Variants in DOCK4 observed in about 807,000 individuals in gnomAD.
The protein encoded by DOCK4 is dedicator of cytokinesis protein 4.
In DOCK4, 97 loss-of-function variants were observed where a neutral mutation model predicts 268.1. The observed-to-expected ratio is 0.36, with a 90% CI of 0.31 to 0.43. DOCK4 has a LOEUF of 0.43. DOCK4 is among the 20% of genes least tolerant of loss of function. The pLI is 1.00. For missense variants in DOCK4, 2,145 were observed against 2,455.7 expected (o/e 0.87, Z 2.67); for synonymous variants, 954 against 887.2 (o/e 1.08, Z -1.34).
At chr7:112,178,846 G>A (rs1276796361) in intron 1 of DOCK4, among the ~76,000 whole-genome samples, 1 of 152,128 alleles carries the variant, frequency 6.6e-6, no homozygotes, top group Non-Finnish European at 1.5e-5. Context: ...CAGAATAAAT[G>A]TGCACATGAT....
intron 1 of DOCK4, among the ~76,000 whole-genome samples, chr7:112,016,041 A>G (rs1048774546): frequency 1.3e-5 from 2 of 152,226 alleles, no homozygotes; most frequent in Admixed American, 6.5e-5. Context: ...ACATTTCAAC[A>G]TAAGTTTTGG....
chr7:111,841,050 G>A (rs1803648088), intron 25 of DOCK4, among the ~76,000 whole-genome samples: 1 of 151,984 alleles, frequency 6.6e-6, no homozygotes, highest in Non-Finnish European at 1.5e-5. Flanking sequence ...AATGACTAAC[G>A]GTCAGCATTT....
chr7:112,014,172 G>A (rs961263738), intron 1 of DOCK4, among the ~76,000 whole-genome samples: 1 of 152,182 alleles, frequency 6.6e-6, no homozygotes, highest in South Asian at 2.1e-4. Flanking sequence ...AGTTTCCTAC[G>A]TTTTCTGTTT....
intron 1 of DOCK4, among the ~76,000 whole-genome samples, chr7:112,089,910 T>TGTGA (rs1334168762): frequency 6.6e-6 from 1 of 152,186 alleles, no homozygotes; most frequent in Non-Finnish European, 1.5e-5. Flanking sequence ...TTTATAGCAG[T>TGTGA]GTGAGAATTG....
chr7:112,064,187 G>C (rs1295647488), intron 1 of DOCK4, among the ~76,000 whole-genome samples: 1 of 152,200 alleles, frequency 6.6e-6, no homozygotes, highest in Non-Finnish European at 1.5e-5. Flanking sequence ...TGTGGTTCTA[G>C]GGTTGGCGGC....
At chr7:112,119,699 G>A (rs544398987) in intron 1 of DOCK4, among the ~76,000 whole-genome samples, 7 of 152,270 alleles carry the variant, frequency 4.6e-5, no homozygotes, top group African/African-American at 1.7e-4. Flanking sequence ...TGGCCTTGGG[G>A]AACTCACTGA....
intron 16 of DOCK4, among the ~76,000 whole-genome samples, chr7:111,888,002 G>A (rs186219582): frequency 8.5e-4 from 129 of 152,074 alleles, no homozygotes; most frequent in African/African-American, 2.7e-3. Context: ...GTGGCAAGGA[G>A]AGAGCACAAG....
intron 36 of DOCK4, among the ~76,000 whole-genome samples, chr7:111,774,649 T>C (rs2133706671): frequency 6.6e-6 from 1 of 152,162 alleles, no homozygotes; most frequent in African/African-American, 2.4e-5. Flanking sequence ...TCCTGAAGGA[T>C]GAAAGGAGGG....
rs1407111900 is a variant in DOCK4 at position 111,917,915 on chromosome 7, GA to G, written c.1067-2012del. On this transcript the variant is annotated intron_variant, in intron 12 of 52. Transcript: ENST00000428084. ...TGTGAGAATGACATCATGCTGTGAT[GA>G]AAAAAATGCAAAGTTTATTTGTCAC... 3.9e-5 allele frequency among the ~76,000 whole-genome samples: 6 copies of G among 152,154 alleles called. No homozygotes were observed. The East Asian group carries it at 7.7e-4, about 20-fold the overall frequency.
rs1351310725 is a variant in DOCK4, at chr7:112,066,676, CATATATACATATACATATAT to C, written c.38-62565_38-62546del. ...TACACATATTATACATATACATATA[CATATATACATATACATATAT>C]ATATATATATATATATATATATATA... On this transcript the variant is annotated intron_variant, in intron 1 of 52. Transcript: ENST00000428084. 2.9e-4 allele frequency among the ~76,000 whole-genome samples: 15 copies of C among 52,080 alleles called. 1 individual carries two copies. Among genetic ancestry groups the C allele is most frequent in the South Asian group, 1.4e-3 (2 of 1,418 alleles). 34.2% of individuals were successfully genotyped at this position (52,080 alleles called of 152,430 possible).
At chr7:112,048,581 AAAAC>A (rs1464881676) in intron 1 of DOCK4, among the ~76,000 whole-genome samples, 5 of 151,112 alleles carry the variant, frequency 3.3e-5, no homozygotes, top group South Asian at 2.1e-4. Context: ...AAAAAAAAAC[AAAAC>A]AAACAAACAA....
rs186266984 is a variant in DOCK4, at chr7:112,019,285, C to T, written c.38-15154G>A. 3.5e-3 allele frequency among the ~76,000 whole-genome samples: 539 copies of T among 152,222 alleles called. 3 individuals are homozygous for T. The highest frequency in any genetic ancestry group is 0.012 in the African/African-American group (510 of 41,518). ...AAAGAAGAATCAAGAGCTCAAATGACTAAGCATGGCTAGAATAAGGTGTAC... is the reference window on the plus strand; with the variant it reads ...AAAGAAGAATCAAGAGCTCAAATGATTAAGCATGGCTAGAATAAGGTGTAC... On this transcript the variant is annotated intron_variant, in intron 1 of 52. Transcript: ENST00000428084.
chr7:111,790,329 G>A lies in DOCK4; in HGVS notation c.3315+128C>T. ...CGGCTGTGTGGCTTGGGAGTGGATAGGCCAGGCTGGAATCTAGGTCTGCTG... is the reference window on the plus strand; with the variant it reads ...CGGCTGTGTGGCTTGGGAGTGGATAAGCCAGGCTGGAATCTAGGTCTGCTG... On this transcript the variant is annotated intron_variant, in intron 31 of 52. Transcript: ENST00000428084. The A allele has an allele frequency of 2.7e-6, 3 of 1,121,642 alleles. No individual in the cohort carries two copies. In the South Asian group the frequency reaches 4.7e-5, roughly 18 times the overall value. The allele number at this position is 1,121,642 out of a possible 1,614,324, so 69.5% of individuals were successfully genotyped here.
At chr7:111,945,211 G>A (rs1418392829) in intron 9 of DOCK4, among the ~76,000 whole-genome samples, 1 of 152,198 alleles carries the variant, frequency 6.6e-6, no homozygotes, top group Non-Finnish European at 1.5e-5. Context: ...TGGAGATGGA[G>A]TTTCGCTCTT....
rs530971103 is a variant in DOCK4, at chr7:111,778,721, C to G, written c.3586-352G>C. Among the ~76,000 whole-genome samples the G allele has an allele frequency of 2.6e-5, 4 of 152,242 alleles. No individual in the cohort carries two copies. The East Asian group carries it at 7.7e-4, about 29-fold the overall frequency. ...ACTTGGCCGATTGATACTCAAAGGACAGTTTCTTTCATTTTAAATTTCAAA... is the reference window on the plus strand; with the variant it reads ...ACTTGGCCGATTGATACTCAAAGGAGAGTTTCTTTCATTTTAAATTTCAAA... On this transcript the variant is annotated intron_variant, in intron 35 of 52. Coordinates refer to ENST00000428084, the MANE Select transcript of DOCK4 (RefSeq NM_001363540.2).
At chr7:111,986,816 G>A (rs562959895) in intron 6 of DOCK4, among the ~76,000 whole-genome samples, 1 of 152,284 alleles carries the variant, frequency 6.6e-6, no homozygotes, top group South Asian at 2.1e-4. Flanking sequence ...TTCTTCCTAA[G>A]CTTCCCACAT....
At chr7:112,128,714 C>A (rs1462332049) in intron 1 of DOCK4, among the ~76,000 whole-genome samples, 2 of 151,974 alleles carry the variant, frequency 1.3e-5, no homozygotes, top group East Asian at 3.9e-4. Context: ...TGCTTGAAGG[C>A]AGCATGCTCG....
intron 52 of DOCK4, among the ~76,000 whole-genome samples, chr7:111,729,491 T>C (rs1424483687): frequency 2.0e-5 from 3 of 152,030 alleles, no homozygotes; most frequent in Non-Finnish European, 4.4e-5. Context: ...GAGACTGCAG[T>C]GAGCCGTGGA....
At chr7:111,931,577 T>C (rs1267782531) in intron 12 of DOCK4, among the ~76,000 whole-genome samples, 1 of 152,132 alleles carries the variant, frequency 6.6e-6, no homozygotes, top group Non-Finnish European at 1.5e-5. Flanking sequence ...GGAAGAGATA[T>C]TAGCAATCAA....
Sources: allele counts gnomAD v4.1 joint callset (sites outside exome capture counted in the v4.1 genomes callset), GRCh38; gene constraint gnomAD v4.1.1; transcripts MANE v1.5; gene names NCBI Gene and HGNC (gene_info 2026-07-23, HGNC 2026-07-21).